Variants in BST1 observed in about 807,000 individuals in gnomAD.
BST1 encodes bone marrow stromal cell antigen 1.
In BST1, 49 loss-of-function variants were observed where a neutral mutation model predicts 40.6. The ratio of observed to expected loss-of-function variants is 1.21; its 90% CI spans 0.96 to 1.53. The LOEUF is 1.53. Among genes scored for constraint, BST1 ranks in the 40% most tolerant of loss-of-function variants. The probability of loss-of-function intolerance (pLI) is 0.00; values close to 1 mark genes in which losing one functional copy is unlikely to be tolerated. For missense variants in BST1, 423 were observed against 395.9 expected, an observed-to-expected ratio of 1.07 and a Z score of -0.58; for synonymous variants, 157 against 159.3, an observed-to-expected ratio of 0.99 and a Z score of 0.11.
chr4:15,726,869 A>ATTTTTT, intron 8 of BST1, among the ~76,000 whole-genome samples: 1 of 129,626 alleles, frequency 7.7e-6, no homozygotes, highest in Non-Finnish European at 1.7e-5. Context: ...TTTCCTCGGT[A>ATTTTTT]TTTTTTTTTT....
chr4:15,743,802 C>G, the BST1 span, among the ~76,000 whole-genome samples: 3 of 152,194 alleles, frequency 2.0e-5, no homozygotes, highest in Non-Finnish European at 4.4e-5. Flanking sequence ...TGGTGTGAGT[C>G]ATGAGCTCCC....
At chr4:15,704,434 G>A (rs1172938659) in intron 1 of BST1, among the ~76,000 whole-genome samples, 1 of 150,102 alleles carries the variant, frequency 6.7e-6, no homozygotes, top group Non-Finnish European at 1.5e-5. Context: ...GGTGAGTTGT[G>A]TGTGTGTTCT....
intron 8 of BST1, among the ~76,000 whole-genome samples, chr4:15,723,263 G>A (rs1308634433): frequency 2.0e-5 from 3 of 151,828 alleles, no homozygotes; most frequent in East Asian, 1.9e-4. Flanking sequence ...TTTGGGAGGC[G>A]GGGGGCAGAG....
At chr4:15,725,019 C>T (rs567289379) in intron 8 of BST1, among the ~76,000 whole-genome samples, 4 of 152,238 alleles carry the variant, frequency 2.6e-5, no homozygotes, top group Non-Finnish European at 4.4e-5. Context: ...AAAAGGAAGC[C>T]GGGTGCCTCT....
At chr4:15,769,855 T>G in the BST1 span, among the ~76,000 whole-genome samples, 1 of 152,196 alleles carries the variant, frequency 6.6e-6, no homozygotes, top group African/African-American at 2.4e-5. Flanking sequence ...TTTGTTTTTT[T>G]TTTAAAGACA....
intron 7 of BST1, among the ~76,000 whole-genome samples, chr4:15,721,512 T>G (rs1720808160): frequency 6.6e-6 from 1 of 152,144 alleles, no homozygotes. Flanking sequence ...TGTAGGGACA[T>G]GGATGAAGCT....
At chr4:15,748,472 G>A in the BST1 span, among the ~76,000 whole-genome samples, 1 of 152,122 alleles carries the variant, frequency 6.6e-6, no homozygotes, top group African/African-American at 2.4e-5. Flanking sequence ...AGGGGTTCAA[G>A]GTGTGCCATT....
chr4:15,746,753 T>G, the BST1 span, among the ~76,000 whole-genome samples: 1 of 152,232 alleles, frequency 6.6e-6, no homozygotes, highest in Non-Finnish European at 1.5e-5. Flanking sequence ...TTACTTCATC[T>G]TTCCTACTAT....
At chr4:15,703,360 A>G in intron 1 of BST1, 28 bp downstream of exon 1, 2 of 1,469,328 alleles carry the variant, frequency 1.4e-6, no homozygotes, top group South Asian at 1.3e-5. Context: ...GTGGAAGGGG[A>G]GCCGGAAAGA....
chr4:15,758,195 G>C, the BST1 span, among the ~76,000 whole-genome samples: 1 of 151,984 alleles, frequency 6.6e-6, no homozygotes, highest in Admixed American at 6.6e-5. Context: ...TTGTTACACA[G>C]GCAAATTGTG....
chr4:15,761,721 A>G, the BST1 span, among the ~76,000 whole-genome samples: 1 of 151,950 alleles, frequency 6.6e-6, no homozygotes, highest in Non-Finnish European at 1.5e-5. Flanking sequence ...CCTGGGTGGA[A>G]TATAGACATG....
Position 15,715,404 on chromosome 4 carries a change from A to C in BST1, c.611+43A>C, listed in dbSNP as rs185106236. 3.0e-5 allele frequency: 47 copies of C among 1,572,284 alleles called. No homozygotes were observed. The African/African-American group carries it at 5.4e-4, about 18-fold the overall frequency. ...TTCAAACACAAGAGAGAATGCCAAAATATTTATTTAATTGTTTTAAATAGA... is the reference window on the plus strand; with the variant it reads ...TTCAAACACAAGAGAGAATGCCAAACTATTTATTTAATTGTTTTAAATAGA... On this transcript the variant is annotated intron_variant, in intron 5 of 8. Coordinates refer to ENST00000265016, the MANE Select transcript of BST1 (RefSeq NM_004334.3).
downstream of BST1, among the ~76,000 whole-genome samples, chr4:15,735,835 T>C (rs1453164119): frequency 1.3e-5 from 2 of 152,160 alleles, no homozygotes; most frequent in Admixed American, 1.3e-4. Context: ...ATTAGAGAAA[T>C]GCCATTTTGA....
chr4:15,767,695 G>T, the BST1 span, among the ~76,000 whole-genome samples: 1 of 145,142 alleles, frequency 6.9e-6, no homozygotes, highest in Non-Finnish European at 1.6e-5. Context: ...ACACTTTATT[G>T]TTTTTTTGGG....
At chr4:15,705,205 C>T (rs1405458965) in intron 1 of BST1, among the ~76,000 whole-genome samples, 2 of 151,900 alleles carry the variant, frequency 1.3e-5, no homozygotes, top group Non-Finnish European at 2.9e-5. Flanking sequence ...AATGAAGAGG[C>T]ACCTGCTGTA....
intron 1 of BST1, among the ~76,000 whole-genome samples, chr4:15,703,863 T>C (rs1327042897): frequency 7.2e-6 from 1 of 137,938 alleles, no homozygotes; most frequent in African/African-American, 2.8e-5. Context: ...GAGGGGTGTG[T>C]GCATGTGTGT....
chr4:15,714,060 T>A (rs1347612508), intron 4 of BST1, among the ~76,000 whole-genome samples: 1 of 152,156 alleles, frequency 6.6e-6, no homozygotes, highest in East Asian at 1.9e-4. Context: ...TAGCTGCTCA[T>A]AATAGTGAAT....
the BST1 span, among the ~76,000 whole-genome samples, chr4:15,752,258 A>G: frequency 6.6e-6 from 1 of 152,142 alleles, no homozygotes; most frequent in Admixed American, 6.6e-5. Context: ...TTCGAAGGTG[A>G]TGCATGCTCC....
At chr4:15,739,993 G>T (rs1406236076), downstream of BST1, among the ~76,000 whole-genome samples, 2 of 151,824 alleles carry the variant, frequency 1.3e-5, no homozygotes, top group African/African-American at 2.4e-5. Context: ...GAGAGAGAGA[G>T]ATAAGGATAG....
Sources: allele counts gnomAD v4.1 joint callset (sites outside exome capture counted in the v4.1 genomes callset), GRCh38; gene constraint gnomAD v4.1.1; transcripts MANE v1.5; gene names NCBI Gene and HGNC (gene_info 2026-07-23, HGNC 2026-07-21).